The following ATP11A variants were observed in gnomAD, a reference collection of about 807,000 sequenced individuals.
ATP11A encodes phospholipid-transporting ATPase IH.
A neutral mutation model predicts 154.4 loss-of-function variants in ATP11A; 81 were observed. That is an observed-to-expected ratio of 0.52 (90% CI 0.44 to 0.63). The LOEUF is 0.63. Among genes scored for constraint, ATP11A ranks in the 30% least tolerant of loss-of-function variants. The probability of loss-of-function intolerance (pLI) is 0.00; values close to 1 mark genes in which losing one functional copy is unlikely to be tolerated. For synonymous variants in ATP11A, 623 were observed against 585.9 expected (o/e 1.06, Z -0.91); for missense variants, 1,316 against 1,474.3 (o/e 0.89, Z 1.76).
rs1206841278 is a variant in ATP11A, at chr13:112,875,416, C to A, written c.3162-360C>A. 6.6e-6 allele frequency among the ~76,000 whole-genome samples: 1 copy of A among 152,078 alleles called. No homozygotes were observed. Among genetic ancestry groups the A allele is most frequent in the African/African-American group, 2.4e-5 (1 of 41,420 alleles). On this transcript the variant is annotated intron_variant, in intron 27 of 29. Coordinates refer to ENST00000375645, the MANE Select transcript of ATP11A (RefSeq NM_015205.3). This position sits in a 1 kb window ranked among gnomAD's most constrained non-coding sequence, Gnocchi z 4.1. Reference sequence around the variant, plus strand: ...GCTTGCTCTGTACTGACGACCAGTGCTCGGGACGTCCTTCCCATCCGAGAC... The same window carrying A: ...GCTTGCTCTGTACTGACGACCAGTGATCGGGACGTCCTTCCCATCCGAGAC...
At position 112,810,386 on chromosome 13, in the gene ATP11A, G is replaced by A. The variant is rs934657827; in HGVS notation, c.334-233G>A. Among the ~76,000 whole-genome samples the A allele has an allele frequency of 3.9e-5, 6 of 152,202 alleles. No homozygotes were observed. The South Asian group carries it at 8.3e-4, about 21-fold the overall frequency. On this transcript the variant is annotated intron_variant, in intron 4 of 29. Coordinates refer to ENST00000375645, the MANE Select transcript of ATP11A (RefSeq NM_015205.3). ...ACTTCGATGAGCATCTTTCTCCAAC[G>A]TCTTCGAAGTTCTACAACTGCAGAC...
intron 4 of ATP11A, among the ~76,000 whole-genome samples, chr13:112,809,928 T>C (rs2078441478): frequency 1.3e-5 from 2 of 152,188 alleles, no homozygotes; most frequent in South Asian, 4.1e-4. Flanking sequence ...GGCATCCAGG[T>C]CCGTCAGCGC....
Position 112,882,663 on chromosome 13 carries a change from C to T in ATP11A, c.*797C>T, listed in dbSNP as rs2080912099. The T allele has an allele frequency of 2.5e-6, 1 of 399,946 alleles. No individual in the cohort carries two copies. The highest frequency in any genetic ancestry group is 1.3e-4 in the South Asian group (1 of 7,732). 24.8% of individuals were successfully genotyped at this position (399,946 alleles called of 1,614,324 possible). A position where few individuals can be genotyped will look rare whatever the true frequency, so the allele number is the denominator to read the frequency against. On this transcript the variant is annotated 3_prime_UTR_variant, in exon 30 of 30. Transcript: ENST00000375645. The surrounding 1 kb of genome is among the most constrained non-coding windows in gnomAD (Gnocchi z 5.1). ...GGCCGCCTCGTGGAGAAGGCAGTGCCACGTGGGAGGACAAGGCCACGCCGG... is the reference window on the plus strand; with the variant it reads ...GGCCGCCTCGTGGAGAAGGCAGTGCTACGTGGGAGGACAAGGCCACGCCGG...
At chr13:112,880,213 C>T (rs935617030) in intron 29 of ATP11A, 10 of 157,230 alleles carry the variant, frequency 6.4e-5, no homozygotes, top group African/African-American at 1.2e-4. Flanking sequence ...TGTGGCTGAA[C>T]GTGTGGCTTC....
chr13:112,698,960 T>G (rs1222997624), intron 1 of ATP11A, among the ~76,000 whole-genome samples: 4 of 152,190 alleles, frequency 2.6e-5, no homozygotes, highest in Non-Finnish European at 5.9e-5. Flanking sequence ...ACTCCTGACC[T>G]CAAATGATCC....
chr13:112,787,090 G>T lies in ATP11A; in HGVS notation c.162+1833G>T, dbSNP rs1287350913. Among the ~76,000 whole-genome samples the T allele has an allele frequency of 6.6e-4, 92 of 139,562 alleles. 1 individual carries two copies. The highest frequency in any genetic ancestry group is 2.0e-3 in the African/African-American group (71 of 35,122). The allele number at this position is 139,562 out of a possible 152,430, so 91.6% of individuals were successfully genotyped here. A position where few individuals can be genotyped will look rare whatever the true frequency, so the allele number is the denominator to read the frequency against. On this transcript the variant is annotated intron_variant, in intron 2 of 29. Transcript: ENST00000375645. ...GTCCTGATGCGTAGACCCCTGTGGA[G>T]ACCTACTTAATTCACACCGGTGTCC... is the stretch of plus-strand genomic sequence containing the variant.
intron 17 of ATP11A, among the ~76,000 whole-genome samples, chr13:112,849,566 C>T (rs2079703351): frequency 6.6e-6 from 1 of 152,192 alleles, no homozygotes; most frequent in Admixed American, 6.5e-5. Flanking sequence ...AGCTATATAT[C>T]TTGTATGTTT....
chr13:112,783,082 G>T (rs550459839), intron 1 of ATP11A, among the ~76,000 whole-genome samples: 1 of 152,320 alleles, frequency 6.6e-6, no homozygotes, highest in African/African-American at 2.4e-5. Context: ...GTGAATTACC[G>T]ATGGAATTTA....
chr13:112,719,925 T>A (rs1888962370), intron 1 of ATP11A, among the ~76,000 whole-genome samples: 1 of 152,226 alleles, frequency 6.6e-6, no homozygotes, highest in African/African-American at 2.4e-5. Flanking sequence ...ATTTCATTTC[T>A]GGAAATTCAG....
At chr13:112,864,474 G>T (rs1461251551) in intron 25 of ATP11A, among the ~76,000 whole-genome samples, 39 of 83,988 alleles carry the variant, frequency 4.6e-4, no homozygotes, top group African/African-American at 1.7e-3. Flanking sequence ...TCCCAGCGGG[G>T]TCCATCACCA....
At chr13:112,823,199 G>A (rs369093308) in intron 8 of ATP11A, 146 bp from the exon 9 acceptor site, 1 of 673,888 alleles carries the variant, frequency 1.5e-6, no homozygotes, top group South Asian at 1.7e-5. Flanking sequence ...TTAATCATCT[G>A]AATATAAGCA....
intron 1 of ATP11A, among the ~76,000 whole-genome samples, chr13:112,704,810 A>G (rs938732244): frequency 4.6e-5 from 7 of 152,254 alleles, no homozygotes; most frequent in Non-Finnish European, 7.3e-5. Context: ...ACCTATTTTC[A>G]GCAAAGGATT....
chr13:112,806,168 C>A, intron 3 of ATP11A, 45 bp from the exon 4 acceptor site: 1 of 1,479,968 alleles, frequency 6.8e-7, no homozygotes, highest in Non-Finnish European at 9.4e-7. Context: ...TGAAGTCACT[C>A]ATTTGTGTTT....
rs143108247 is a variant in ATP11A at position 112,767,931 on chromosome 13, C to T, written c.40-17204C>T. 3.0e-3 allele frequency among the ~76,000 whole-genome samples: 453 copies of T among 152,220 alleles called. 4 individuals are homozygous for T. Among genetic ancestry groups the T allele is most frequent in the African/African-American group, 0.01 (436 of 41,534 alleles). On this transcript the variant is annotated intron_variant, in intron 1 of 29. Coordinates refer to ENST00000375645, the MANE Select transcript of ATP11A (RefSeq NM_015205.3). ...TGGTTTCGCTGCTGGCTGGGGAACC[C>T]CCTCCGGCTCCTCACTTCCCCACCA...
chr13:112,812,443 A>G (rs1032677876), intron 5 of ATP11A, among the ~76,000 whole-genome samples: 2 of 152,196 alleles, frequency 1.3e-5, no homozygotes, highest in South Asian at 2.1e-4. Flanking sequence ...TGAGGGAGGC[A>G]GGGAGCACCC....
At chr13:112,703,390 G>C (rs980631010) in intron 1 of ATP11A, 1 of 152,216 alleles carries the variant, frequency 6.6e-6, no homozygotes, top group African/African-American at 2.4e-5. Flanking sequence ...CACATTAGGG[G>C]TTAGGGCTTC....
intron 26 of ATP11A, 119 bp from the exon 27 acceptor site, chr13:112,873,454 T>C (rs2080608380): frequency 1.4e-6 from 1 of 692,512 alleles, no homozygotes; most frequent in African/African-American, 1.8e-5. Flanking sequence ...TGAGTCGTCA[T>C]TGCTGGGTCT....
intron 1 of ATP11A, among the ~76,000 whole-genome samples, chr13:112,780,033 G>C (rs1462826570): frequency 5.9e-5 from 9 of 152,072 alleles, no homozygotes; most frequent in Admixed American, 5.9e-4. Context: ...TAGTTGTACA[G>C]ATGAGTGATA....
At position 112,863,931 on chromosome 13, in the gene ATP11A, G is replaced by A. The variant is rs1244985979; in HGVS notation, c.2991+1356G>A. Among the ~76,000 whole-genome samples the A allele has an allele frequency of 2.2e-5, 2 of 89,216 alleles. 1 individual carries two copies. Among genetic ancestry groups the A allele is most frequent in the Non-Finnish European group, 4.8e-5 (2 of 41,824 alleles). The allele number at this position is 89,216 out of a possible 152,430, so 58.5% of individuals were successfully genotyped here. A position where few individuals can be genotyped will look rare whatever the true frequency, so the allele number is the denominator to read the frequency against. ...AGTGCAGCACGTGCAGCTTCCCAGC[G>A]GGGTCCATCACCACCTGCGCAGTAA... On this transcript the variant is annotated intron_variant, in intron 25 of 29. Coordinates refer to ENST00000375645, the MANE Select transcript of ATP11A (RefSeq NM_015205.3).
Sources: allele counts gnomAD v4.1 joint callset (sites outside exome capture counted in the v4.1 genomes callset), GRCh38; gene constraint gnomAD v4.1.1; non-coding constraint Gnocchi (gnomAD v3.1); transcripts MANE v1.5; gene names NCBI Gene and HGNC (gene_info 2026-07-23, HGNC 2026-07-21).